PLXDC2: variants seen among roughly 807,000 people sequenced by gnomAD.
The protein encoded by PLXDC2 is plexin domain containing 2, also known as plexin domain-containing protein 2.
A neutral mutation model predicts 68.9 loss-of-function variants in PLXDC2; 40 were observed. The observed-to-expected ratio is 0.58, with a 90% CI of 0.45 to 0.76. PLXDC2 has a LOEUF of 0.76. PLXDC2 is among the 30% of genes least tolerant of loss of function. The pLI, the probability that PLXDC2 is intolerant of heterozygous loss-of-function variation, is 0.00. For missense variants in PLXDC2, 644 were observed against 661.9 expected (o/e 0.97, Z 0.30); for synonymous variants, 243 against 234.2 (o/e 1.04, Z -0.34).
chr10:19,992,303 C>T (rs1355223610), intron 1 of PLXDC2, among the ~76,000 whole-genome samples: 1 of 152,072 alleles, frequency 6.6e-6, no homozygotes, highest in Non-Finnish European at 1.5e-5. Context: ...AGTTACATAC[C>T]TAAACATTTT....
chr10:19,830,890 C>T (rs1056946091), intron 1 of PLXDC2, among the ~76,000 whole-genome samples: 1 of 152,080 alleles, frequency 6.6e-6, no homozygotes, highest in Admixed American at 6.6e-5. Context: ...TTGAGAAATC[C>T]ATCAAAGTGT....
In PLXDC2 at chr10:20,027,511, G is replaced by A. The variant is rs149907615; in HGVS notation, c.325-19358G>A. Among the ~76,000 whole-genome samples, 1,022 of 152,152 alleles carry A rather than the reference G, an allele frequency of 6.7e-3. 13 individuals carry two copies. The highest frequency in any genetic ancestry group is 0.023 in the African/African-American group (975 of 41,524). ...GTAGCCTCCAGAACTGTGAGAAAAT[G>A]AATTTCTTCTTTTTATAAATTGCCA... is the stretch of plus-strand genomic sequence containing the variant. On this transcript the variant is annotated intron_variant, in intron 2 of 13. Coordinates refer to ENST00000377252, the MANE Select transcript of PLXDC2 (RefSeq NM_032812.9).
intron 9 of PLXDC2, among the ~76,000 whole-genome samples, chr10:20,196,852 A>G (rs1407729219): frequency 6.6e-6 from 1 of 152,172 alleles, no homozygotes. Flanking sequence ...CATTATAGCC[A>G]TATTAAATGT....
chr10:20,121,058 C>T (rs1208031089), intron 4 of PLXDC2, among the ~76,000 whole-genome samples: 1 of 152,104 alleles, frequency 6.6e-6, no homozygotes, highest in African/African-American at 2.4e-5. Context: ...GGATTGAAGT[C>T]CGGGCCAGGA....
chr10:20,074,887 G>A (rs1589616796), intron 4 of PLXDC2, among the ~76,000 whole-genome samples: 1 of 148,918 alleles, frequency 6.7e-6, no homozygotes, highest in Admixed American at 6.7e-5. Context: ...TATTAACAGA[G>A]ATCACAGGTT....
At position 19,827,913 on chromosome 10, in the gene PLXDC2, T is replaced by A. The variant is rs1589487249; in HGVS notation, c.112+10722T>A. Among the ~76,000 whole-genome samples, 4 of 152,310 alleles carry A rather than the reference T, an allele frequency of 2.6e-5. No homozygotes were observed. In the South Asian group the frequency reaches 8.3e-4, roughly 32 times the overall value. On this transcript the variant is annotated intron_variant, in intron 1 of 13. Transcript: ENST00000377252. ...TGACTGTGACCTTTTTTAGTTGAAATGAAATTTCCAGATGGAGAGCTGGGG... is the reference window on the plus strand; with the variant it reads ...TGACTGTGACCTTTTTTAGTTGAAAAGAAATTTCCAGATGGAGAGCTGGGG...
At chr10:19,870,363 A>G (rs938424799) in intron 1 of PLXDC2, among the ~76,000 whole-genome samples, 6 of 152,206 alleles carry the variant, frequency 3.9e-5, no homozygotes, top group Non-Finnish European at 8.8e-5. Context: ...GAAAAATGCA[A>G]ATGCTTTTAT....
chr10:20,078,850 T>G (rs1042100497), intron 4 of PLXDC2, among the ~76,000 whole-genome samples: 1 of 152,328 alleles, frequency 6.6e-6, no homozygotes, highest in Non-Finnish European at 1.5e-5. Flanking sequence ...GCTTCTTATA[T>G]TCTGAATTCC....
chr10:20,194,116 G>A (rs1834805047), intron 9 of PLXDC2, among the ~76,000 whole-genome samples: 2 of 150,414 alleles, frequency 1.3e-5, no homozygotes, highest in Non-Finnish European at 3.0e-5. Context: ...TATATTAAAG[G>A]CACTACTAAA....
chr10:20,095,285 C>G (rs1166783422), intron 4 of PLXDC2, among the ~76,000 whole-genome samples: 1 of 152,078 alleles, frequency 6.6e-6, no homozygotes, highest in African/African-American at 2.4e-5. Flanking sequence ...GTAGCTAATC[C>G]TACAGTATTA....
At chr10:19,859,162 G>A (rs1478490216) in intron 1 of PLXDC2, among the ~76,000 whole-genome samples, 1 of 152,062 alleles carries the variant, frequency 6.6e-6, no homozygotes, top group East Asian at 1.9e-4. Context: ...TGAGGGATCT[G>A]ACCTCAGGAT....
At chr10:19,888,113 C>A (rs532572502) in intron 1 of PLXDC2, among the ~76,000 whole-genome samples, 1 of 152,198 alleles carries the variant, frequency 6.6e-6, no homozygotes, top group Admixed American at 6.5e-5. Flanking sequence ...TTAAAGCACT[C>A]CCTTTTTGAA....
At chr10:20,277,701 G>T (rs980633769) in intron 13 of PLXDC2, among the ~76,000 whole-genome samples, 1 of 152,132 alleles carries the variant, frequency 6.6e-6, no homozygotes, top group African/African-American at 2.4e-5. Context: ...GATTATAAAA[G>T]AATACAAAAT....
intron 3 of PLXDC2, among the ~76,000 whole-genome samples, chr10:20,066,275 C>G (rs908599983): frequency 2.0e-5 from 3 of 152,194 alleles, no homozygotes; most frequent in African/African-American, 7.2e-5. Context: ...TAACTTATAT[C>G]TTAATCTAAT....
At position 20,230,693 on chromosome 10, in the gene PLXDC2, C is replaced by CAAAAAAAAA. The variant is rs1191613913; in HGVS notation, c.1312+11604_1312+11612dup. ...TGGGCTACAGAGTGAGACCTTGTCTCAAAAAAAAAAAAAAAAAAAAACAGG... is the reference window on the plus strand; with the variant it reads ...TGGGCTACAGAGTGAGACCTTGTCTCAAAAAAAAAAAAAAAAAAAAAAAAAAAAAACAGG... On this transcript the variant is annotated intron_variant, in intron 12 of 13. Coordinates refer to ENST00000377252, the MANE Select transcript of PLXDC2 (RefSeq NM_032812.9). Among the ~76,000 whole-genome samples, 290 of 37,784 alleles carry CAAAAAAAAA rather than the reference C, an allele frequency of 7.7e-3. 62 individuals carry two copies. Among genetic ancestry groups the CAAAAAAAAA allele is most frequent in the South Asian group, 0.012 (7 of 572 alleles). The allele number at this position is 37,784 out of a possible 152,430, so 24.8% of individuals were successfully genotyped here. A position where few individuals can be genotyped will look rare whatever the true frequency, so the allele number is the denominator to read the frequency against.
At chr10:20,176,550 A>G (rs754036889) in intron 7 of PLXDC2, among the ~76,000 whole-genome samples, 1 of 152,146 alleles carries the variant, frequency 6.6e-6, no homozygotes, top group Non-Finnish European at 1.5e-5. Context: ...TTTATTCTAA[A>G]CTTTTAAAGC....
At chr10:19,837,758 T>G (rs1369384395) in intron 1 of PLXDC2, among the ~76,000 whole-genome samples, 1 of 152,222 alleles carries the variant, frequency 6.6e-6, no homozygotes, top group Non-Finnish European at 1.5e-5. Context: ...ACTGAACTTG[T>G]TAGGTCATTT....
chr10:19,857,899 A>G (rs1208663343), intron 1 of PLXDC2, among the ~76,000 whole-genome samples: 1 of 152,176 alleles, frequency 6.6e-6, no homozygotes, highest in African/African-American at 2.4e-5. Flanking sequence ...AATACTATTT[A>G]TTTTCTCTAA....
intron 9 of PLXDC2, among the ~76,000 whole-genome samples, chr10:20,204,382 C>A (rs1294373610): frequency 2.0e-5 from 3 of 152,106 alleles, no homozygotes; most frequent in Admixed American, 6.6e-5. Context: ...GCTATAATCA[C>A]TGCTGTTTAT....
Sources: allele counts gnomAD v4.1 joint callset (sites outside exome capture counted in the v4.1 genomes callset), GRCh38; gene constraint gnomAD v4.1.1; transcripts MANE v1.5; gene names NCBI Gene and HGNC (gene_info 2026-07-23, HGNC 2026-07-21).